The following RARB variants were observed in gnomAD, a reference collection of about 807,000 sequenced individuals.
RARB encodes HBV-activated protein.
RARB carries 17 observed loss-of-function variants against 51.9 expected under a neutral mutation model. The ratio of observed to expected loss-of-function variants is 0.33; its 90% CI spans 0.22 to 0.49. The LOEUF is 0.49. Ranked by LOEUF, RARB falls within the 20% of genes least tolerant of loss-of-function variation. The probability of loss-of-function intolerance (pLI) is 0.99; values close to 1 mark genes in which losing one functional copy is unlikely to be tolerated. For missense variants in RARB, 369 were observed against 550.8 expected (o/e 0.67, Z 3.30); for synonymous variants, 215 against 195.4 (o/e 1.10, Z -0.84).
At chr3:25,041,486 C>T (rs757519606) in intron 2 of RARB, among the ~76,000 whole-genome samples, 25 of 149,236 alleles carry the variant, frequency 1.7e-4, no homozygotes, top group African/African-American at 5.9e-4. Context: ...CCTTAGTGGA[C>T]GGAGGTGGAG....
intron 5 of RARB, among the ~76,000 whole-genome samples, chr3:25,181,650 C>T (rs1339875887): frequency 6.6e-6 from 1 of 152,160 alleles, no homozygotes; most frequent in African/African-American, 2.4e-5. Flanking sequence ...CCCCTACCCC[C>T]AAATAAATTA....
upstream of RARB, among the ~76,000 whole-genome samples, chr3:25,426,734 C>T (rs1178373833): frequency 3.9e-5 from 6 of 152,232 alleles, no homozygotes; most frequent in Non-Finnish European, 7.3e-5. Context: ...TTTAATTCCT[C>T]TCCAGAGTTT....
chr3:24,993,341 G>A (rs920758974), intron 2 of RARB, among the ~76,000 whole-genome samples: 9 of 151,976 alleles, frequency 5.9e-5, no homozygotes, highest in African/African-American at 1.9e-4. Flanking sequence ...TATTAATATG[G>A]CATTTTGTAA....
intron 4 of RARB, among the ~76,000 whole-genome samples, chr3:25,165,527 C>T (rs1300758400): frequency 6.6e-6 from 1 of 152,148 alleles, no homozygotes; most frequent in African/African-American, 2.4e-5. Context: ...AGCTGAATTT[C>T]CCTTGAGAAC....
intron 1 of RARB, among the ~76,000 whole-genome samples, chr3:25,447,461 C>T (rs1470005497): frequency 6.6e-6 from 1 of 152,152 alleles, no homozygotes; most frequent in Non-Finnish European, 1.5e-5. Context: ...TCTTTATAAA[C>T]CAGCATGTAT....
intron 2 of RARB, among the ~76,000 whole-genome samples, chr3:25,013,297 C>A (rs1253963256): frequency 6.6e-6 from 1 of 152,054 alleles, no homozygotes; most frequent in African/African-American, 2.4e-5. Context: ...ACCTGGGAAC[C>A]ACTTTTGGCT....
intron 2 of RARB, among the ~76,000 whole-genome samples, chr3:25,489,855 G>C (rs1368165938): frequency 6.6e-6 from 1 of 152,316 alleles, no homozygotes; most frequent in South Asian, 2.1e-4. Flanking sequence ...GGGCAGGTGG[G>C]CTTTAAACCA....
In RARB at chr3:25,586,666, C is replaced by A. The variant is rs566465962; in HGVS notation, c.786+5944C>A. 1.3e-5 allele frequency among the ~76,000 whole-genome samples: 2 copies of A among 152,312 alleles called. 1 individual carries two copies. The highest frequency in any genetic ancestry group is 4.2e-4 in the South Asian group (2 of 4,816). On this transcript the variant is annotated intron_variant, in intron 5 of 7. Coordinates refer to ENST00000330688, the MANE Select transcript of RARB (RefSeq NM_000965.5). Reference sequence around the variant, plus strand: ...CCTTCTGGTGACGCAAAAGTGACGGCCTGTGTGACTTCAAAATGTGATTTG... The same window carrying A: ...CCTTCTGGTGACGCAAAAGTGACGGACTGTGTGACTTCAAAATGTGATTTG...
intron 3 of RARB, among the ~76,000 whole-genome samples, chr3:25,520,784 A>T (rs1289131498): frequency 6.6e-6 from 1 of 152,200 alleles, no homozygotes; most frequent in Non-Finnish European, 1.5e-5. Flanking sequence ...TCTAACACTT[A>T]AGTCCAGCTC....
At chr3:24,872,966 C>G (rs2125350655) in intron 2 of RARB, among the ~76,000 whole-genome samples, 1 of 152,300 alleles carries the variant, frequency 6.6e-6, no homozygotes. Flanking sequence ...CAAACTTTTT[C>G]TAAAGGCCAA....
upstream of RARB, among the ~76,000 whole-genome samples, chr3:25,424,522 C>G (rs1222381592): frequency 6.6e-6 from 1 of 152,120 alleles, no homozygotes; most frequent in Non-Finnish European, 1.5e-5. Context: ...TCTGGCAGAA[C>G]TGTGGCAAGA....
intron 3 of RARB, among the ~76,000 whole-genome samples, chr3:25,524,972 AC>A (rs914439278): frequency 6.6e-6 from 1 of 151,028 alleles, no homozygotes. Flanking sequence ...CAGGTGATCC[AC>A]CCCCCTCAGC....
chr3:24,950,140 T>C (rs1405971544), intron 2 of RARB, among the ~76,000 whole-genome samples: 1 of 152,234 alleles, frequency 6.6e-6, no homozygotes, highest in African/African-American at 2.4e-5. Flanking sequence ...CCTCTCATTT[T>C]ATTCTTTAGG....
In RARB at chr3:25,541,654, C is replaced by G. The variant is rs139498084; in HGVS notation, c.449-28104C>G. ...ATCATGAACATTTCCCCTTACACAG[C>G]CGAAAGCCTGGATATTTTAGGGAAC... On this transcript the variant is annotated intron_variant, in intron 3 of 7. Coordinates refer to ENST00000330688, the MANE Select transcript of RARB (RefSeq NM_000965.5). 4.0e-3 allele frequency among the ~76,000 whole-genome samples: 615 copies of G among 152,308 alleles called. 4 individuals are homozygous for G. The highest frequency in any genetic ancestry group is 0.014 in the African/African-American group (575 of 41,566).
chr3:25,198,118 C>G (rs1012863679), intron 5 of RARB, among the ~76,000 whole-genome samples: 2 of 151,998 alleles, frequency 1.3e-5, no homozygotes, highest in Non-Finnish European at 2.9e-5. Flanking sequence ...GGAATAAATC[C>G]CATCATCTAC....
At chr3:24,936,481 C>A (rs767694317) in intron 2 of RARB, among the ~76,000 whole-genome samples, 1 of 152,054 alleles carries the variant, frequency 6.6e-6, no homozygotes, top group African/African-American at 2.4e-5. Context: ...GAGTCTTAAC[C>A]GAGGCAGCTA....
intron 5 of RARB, among the ~76,000 whole-genome samples, chr3:25,248,814 G>A (rs1036372568): frequency 3.9e-5 from 6 of 152,124 alleles, no homozygotes; most frequent in African/African-American, 1.2e-4. Flanking sequence ...TGTTAGTCTG[G>A]TTGGGGTTCC....
intron 1 of RARB, chr3:25,441,273 G>T (rs759447996): frequency 7.3e-6 from 3 of 410,538 alleles, no homozygotes; most frequent in Non-Finnish European, 9.4e-6. Flanking sequence ...AGCACCAGTA[G>T]CTGCGCTCTG....
At chr3:24,883,347 C>G (rs1309001762) in intron 2 of RARB, among the ~76,000 whole-genome samples, 2 of 122,720 alleles carry the variant, frequency 1.6e-5, no homozygotes, top group African/African-American at 5.8e-5. Context: ...GCCAGACTTT[C>G]AACAATCATT....
Sources: allele counts gnomAD v4.1 joint callset (sites outside exome capture counted in the v4.1 genomes callset), GRCh38; gene constraint gnomAD v4.1.1; transcripts MANE v1.5; gene names NCBI Gene and HGNC (gene_info 2026-07-23, HGNC 2026-07-21).